The following CADM2 variants were observed in gnomAD, a reference collection of about 807,000 sequenced individuals.
CADM2 encodes immunoglobulin superfamily member 4D.
CADM2 carries 12 observed loss-of-function variants against 49.8 expected under a neutral mutation model. The observed-to-expected ratio is 0.24, with a 90% CI of 0.15 to 0.39. The LOEUF is 0.39. CADM2 is among the 10% of genes least tolerant of loss of function. The pLI is 1.00. For missense variants in CADM2, 378 were observed against 492.3 expected (o/e 0.77, Z 2.20); for synonymous variants, 214 against 175.4 (o/e 1.22, Z -1.74).
intron 2 of CADM2, among the ~76,000 whole-genome samples, chr3:85,743,484 C>CT (rs1216567179): frequency 2.0e-5 from 3 of 152,206 alleles, no homozygotes; most frequent in Admixed American, 6.5e-5. Context: ...ATTTTAGTGC[C>CT]TTTTTTCCCA....
chr3:85,152,963 CAAA>C (rs61549751), intron 1 of CADM2, among the ~76,000 whole-genome samples: 3 of 80,556 alleles, frequency 3.7e-5, no homozygotes, highest in African/African-American at 4.3e-5. Context: ...GACTCCATCT[CAAA>C]AAAAAAAAAA....
At chr3:85,731,325 G>A (rs1317169054) in intron 2 of CADM2, among the ~76,000 whole-genome samples, 1 of 152,088 alleles carries the variant, frequency 6.6e-6, no homozygotes, top group East Asian at 1.9e-4. Context: ...CTTACATTTT[G>A]TAGTCAGACA....
In CADM2 at chr3:85,290,019, A is replaced by G. The variant is rs184048607; in HGVS notation, c.61+330351A>G. Reference sequence around the variant, plus strand: ...GAAGACTGGTGATTTCTGCATTTCCATCTGAGGTACTGGTTTCATCTCACT... The same window carrying G: ...GAAGACTGGTGATTTCTGCATTTCCGTCTGAGGTACTGGTTTCATCTCACT... On this transcript the variant is annotated intron_variant, in intron 1 of 9. Transcript: ENST00000383699. Among the ~76,000 whole-genome samples, 212 of 152,300 alleles carry G rather than the reference A, an allele frequency of 1.4e-3. 1 individual carries two copies. The highest frequency in any genetic ancestry group is 4.9e-3 in the African/African-American group (204 of 41,576).
chr3:85,766,315 G>A (rs996037322), intron 2 of CADM2, among the ~76,000 whole-genome samples: 1 of 152,106 alleles, frequency 6.6e-6, no homozygotes, highest in African/African-American at 2.4e-5. Flanking sequence ...GAAAAATTGA[G>A]AATGAAAGAG....
At chr3:85,910,615 A>G (rs1265130662) in intron 5 of CADM2, among the ~76,000 whole-genome samples, 2 of 152,036 alleles carry the variant, frequency 1.3e-5, no homozygotes, top group Non-Finnish European at 2.9e-5. Context: ...ATAATTTTGT[A>G]TCCTGTGTTA....
At chr3:85,933,249 A>G (rs1720812752) in intron 6 of CADM2, among the ~76,000 whole-genome samples, 1 of 151,268 alleles carries the variant, frequency 6.6e-6, no homozygotes, top group African/African-American at 2.4e-5. Context: ...GTCCTCAACC[A>G]AAGAGGATAA....
intron 2 of CADM2, among the ~76,000 whole-genome samples, chr3:85,753,055 T>G (rs1040453426): frequency 6.6e-6 from 1 of 152,148 alleles, no homozygotes; most frequent in Non-Finnish European, 1.5e-5. Context: ...GCAGATCTGC[T>G]TTCTATGATT....
chr3:85,199,370 T>TGTTTGAGAGAGAGAGAGAGAGAGAGA, intron 1 of CADM2, among the ~76,000 whole-genome samples: 1 of 140,168 alleles, frequency 7.1e-6, no homozygotes, highest in South Asian at 2.2e-4. Flanking sequence ...TGTGTGTGTA[T>TGTTTGAGAGAGAGAGAGAGAGAGAGA]GAGAGAGAGA....
chr3:85,105,624 G>A (rs1386465417), intron 1 of CADM2, among the ~76,000 whole-genome samples: 9 of 152,116 alleles, frequency 5.9e-5, no homozygotes, highest in African/African-American at 1.2e-4. Flanking sequence ...AAATCATGCT[G>A]CTATAAAGAC....
chr3:86,014,512 T>C (rs2106944225), intron 8 of CADM2: 1 of 1,561,430 alleles, frequency 6.4e-7, no homozygotes, highest in Non-Finnish European at 8.7e-7. Context: ...TACCACAGTG[T>C]TCACCAAGGT....
chr3:85,106,130 G>A (rs1461754859), intron 1 of CADM2, among the ~76,000 whole-genome samples: 1 of 151,922 alleles, frequency 6.6e-6, no homozygotes, highest in South Asian at 2.1e-4. Flanking sequence ...AAAGAAAGCT[G>A]TTCAATTAAT....
chr3:85,597,831 T>C (rs917081384), intron 1 of CADM2, among the ~76,000 whole-genome samples: 5 of 152,114 alleles, frequency 3.3e-5, no homozygotes, highest in African/African-American at 1.2e-4. Context: ...CAATATCTGC[T>C]AAAACTTAAA....
intron 1 of CADM2, among the ~76,000 whole-genome samples, chr3:85,020,607 C>CCTTTAT (rs879415647): frequency 7.9e-5 from 12 of 152,074 alleles, no homozygotes; most frequent in East Asian, 5.8e-4. Flanking sequence ...AGCAAAACAT[C>CCTTTAT]CTTTATTTAA....
intron 1 of CADM2, among the ~76,000 whole-genome samples, chr3:85,714,676 C>T (rs998756051): frequency 2.6e-5 from 4 of 152,022 alleles, no homozygotes; most frequent in Admixed American, 1.3e-4. Context: ...GTGATCCGCC[C>T]GCCTCAGCCT....
At chr3:85,850,169 G>A (rs897993125) in intron 3 of CADM2, among the ~76,000 whole-genome samples, 6 of 151,952 alleles carry the variant, frequency 3.9e-5, no homozygotes, top group African/African-American at 1.5e-4. Context: ...TAGGTCCAGC[G>A]GCTCTATCTG....
At chr3:85,883,506 A>G in intron 4 of CADM2, 63 bp downstream of exon 4, 4 of 1,328,632 alleles carry the variant, frequency 3.0e-6, no homozygotes, top group Non-Finnish European at 4.1e-6. Context: ...TGCTACAGCA[A>G]CATAATTCAA....
At chr3:85,086,157 T>C (rs1354522065) in intron 1 of CADM2, among the ~76,000 whole-genome samples, 1 of 152,138 alleles carries the variant, frequency 6.6e-6, no homozygotes, top group Non-Finnish European at 1.5e-5. Context: ...AATATTAAGA[T>C]GTGATACTAA....
Position 85,880,138 on chromosome 3 carries a change from C to T in CADM2, c.239-3153C>T, listed in dbSNP as rs1156515156. Among the ~76,000 whole-genome samples, 5 of 152,058 alleles carry T rather than the reference C, an allele frequency of 3.3e-5. No homozygotes were observed. The South Asian group carries it at 8.3e-4, about 25-fold the overall frequency. On this transcript the variant is annotated intron_variant, in intron 3 of 9. Coordinates refer to ENST00000383699, the MANE Select transcript of CADM2 (RefSeq NM_001167675.2). ...AGTTTTTGAGTGTATTCTTTGTGTG[C>T]GTTTCTTAGTGGTTGCTCTGGGTAT...
chr3:85,848,867 G>T (rs935915662), intron 3 of CADM2, among the ~76,000 whole-genome samples: 1 of 151,982 alleles, frequency 6.6e-6, no homozygotes, highest in Non-Finnish European at 1.5e-5. Flanking sequence ...AAACAAACTA[G>T]AAACAGATTT....
Sources: gnomAD v4.1 joint callset for allele counts (sites outside exome capture counted in the v4.1 genomes callset) on GRCh38, gnomAD v4.1.1 for gene constraint, MANE v1.5 for transcripts, NCBI Gene and HGNC (gene_info 2026-07-23, HGNC 2026-07-21) for gene names.